The following GALNTL6 variants were observed in gnomAD, a reference collection of about 807,000 sequenced individuals.
The protein encoded by GALNTL6 is polypeptide N-acetylgalactosaminyltransferase-like 6.
A neutral mutation model predicts 73.7 loss-of-function variants in GALNTL6; 46 were observed. The ratio of observed to expected loss-of-function variants is 0.62; its 90% confidence interval spans 0.49 to 0.80. The LOEUF (loss-of-function observed/expected upper bound fraction) is 0.80, where lower values mean the gene tolerates loss of function less well. Among genes scored for constraint, GALNTL6 ranks in the 30% least tolerant of loss-of-function variants. The pLI, the probability that GALNTL6 is intolerant of heterozygous loss-of-function variation, is 0.00. For missense variants in GALNTL6, 604 were observed against 755.0 expected (o/e 0.80, Z 2.34); for synonymous variants, 259 against 263.7 (o/e 0.98, Z 0.17).
intron 2 of GALNTL6, among the ~76,000 whole-genome samples, chr4:172,042,411 C>A (rs1742109508): frequency 6.6e-6 from 1 of 152,004 alleles, no homozygotes; most frequent in Non-Finnish European, 1.5e-5. Flanking sequence ...GTATTTCCAG[C>A]CTAGACTTCT....
At chr4:172,628,956 C>T (rs1190369785) in intron 5 of GALNTL6, among the ~76,000 whole-genome samples, 1 of 152,028 alleles carries the variant, frequency 6.6e-6, no homozygotes, top group Non-Finnish European at 1.5e-5. Flanking sequence ...CTGGAGTGCA[C>T]ACGATAATTT....
intron 3 of GALNTL6, among the ~76,000 whole-genome samples, chr4:172,283,178 A>G (rs1385679771): frequency 1.3e-5 from 2 of 152,216 alleles, no homozygotes; most frequent in African/African-American, 4.8e-5. Context: ...CTGTAAACAC[A>G]TGAGTGAGAC....
chr4:173,028,785 T>C (rs1227483943), intron 12 of GALNTL6, among the ~76,000 whole-genome samples: 2 of 152,180 alleles, frequency 1.3e-5, no homozygotes, highest in Non-Finnish European at 2.9e-5. Context: ...AAATAAAAGA[T>C]TTAAAATTAC....
intron 2 of GALNTL6, among the ~76,000 whole-genome samples, chr4:171,976,841 C>T (rs749833697): frequency 6.6e-6 from 1 of 152,142 alleles, no homozygotes; most frequent in East Asian, 1.9e-4. Context: ...TTCTCAGGAA[C>T]AAAAATCTCT....
rs1731461334 is a variant in GALNTL6 at position 172,069,522 on chromosome 4, G to GTATGACGCATATATGTTATA, written c.139-160131_139-160130insGACGCATATATGTTATATAT. ...TATGTATAACACATATATGTTATAT[G>GTATGACGCATATATGTTATA]TATAACACATATATTATATATAACA... On this transcript the variant is annotated intron_variant, in intron 2 of 12. Transcript: ENST00000506823. Among the ~76,000 whole-genome samples the GTATGACGCATATATGTTATA allele has an allele frequency of 1.2e-4, 7 of 56,032 alleles. 2 individuals carry two copies. The highest frequency in any genetic ancestry group is 1.9e-4 in the African/African-American group (2 of 10,578). 36.8% of individuals were successfully genotyped at this position (56,032 alleles called of 152,430 possible).
intron 7 of GALNTL6, among the ~76,000 whole-genome samples, chr4:172,856,982 T>C (rs1169692816): frequency 6.6e-6 from 1 of 152,234 alleles, no homozygotes; most frequent in African/African-American, 2.4e-5. Flanking sequence ...CCAAATTACT[T>C]TGGGCCACAC....
At chr4:171,940,292 G>T (rs896343947) in intron 2 of GALNTL6, among the ~76,000 whole-genome samples, 2 of 151,878 alleles carry the variant, frequency 1.3e-5, no homozygotes, top group African/African-American at 2.4e-5. Flanking sequence ...TCAAAGAGTG[G>T]GTGGAAATGG....
At chr4:171,926,570 C>T (rs1737990988) in intron 2 of GALNTL6, among the ~76,000 whole-genome samples, 1 of 152,096 alleles carries the variant, frequency 6.6e-6, no homozygotes, top group Non-Finnish European at 1.5e-5. Flanking sequence ...CCCTGGCTTC[C>T]ATGAATATAA....
chr4:172,585,239 CT>C (rs773847450), intron 5 of GALNTL6, among the ~76,000 whole-genome samples: 2 of 149,582 alleles, frequency 1.3e-5, no homozygotes, highest in Non-Finnish European at 3.0e-5. Flanking sequence ...TCCTACTAGA[CT>C]TTTTTTTTTA....
At chr4:172,616,490 A>G (rs1169873087) in intron 5 of GALNTL6, among the ~76,000 whole-genome samples, 2 of 150,202 alleles carry the variant, frequency 1.3e-5, no homozygotes, top group Non-Finnish European at 2.9e-5. Flanking sequence ...AATTATATTC[A>G]ACTCCACTCC....
rs982561086 is a variant in GALNTL6 at position 172,377,911 on chromosome 4, C to G, written c.553+29222C>G. On this transcript the variant is annotated intron_variant, in intron 5 of 12. Transcript: ENST00000506823. Reference sequence around the variant, plus strand: ...GCACGCAGCACCAGATCCCCCCCCCCATGCCTCTTCCTCCACACCTCCCCA... The same window carrying G: ...GCACGCAGCACCAGATCCCCCCCCCGATGCCTCTTCCTCCACACCTCCCCA... 1.4e-3 allele frequency among the ~76,000 whole-genome samples: 205 copies of G among 151,790 alleles called. 2 individuals are homozygous for G. Among genetic ancestry groups the G allele is most frequent in the Admixed American group, 0.013 (203 of 15,272 alleles).
At chr4:172,086,320 A>C (rs1033717458) in intron 2 of GALNTL6, among the ~76,000 whole-genome samples, 11 of 152,218 alleles carry the variant, frequency 7.2e-5, no homozygotes, top group African/African-American at 2.6e-4. Context: ...TCGTGTCTGA[A>C]GCATTAGTTT....
intron 4 of GALNTL6, among the ~76,000 whole-genome samples, chr4:172,328,628 T>C (rs1165304270): frequency 6.6e-6 from 1 of 152,224 alleles, no homozygotes; most frequent in Non-Finnish European, 1.5e-5. Flanking sequence ...CTGTATTATT[T>C]CAGGGATCCA....
At chr4:172,217,726 C>T (rs1353497710) in intron 2 of GALNTL6, among the ~76,000 whole-genome samples, 1 of 152,066 alleles carries the variant, frequency 6.6e-6, no homozygotes, top group African/African-American at 2.4e-5. Flanking sequence ...AATTCACTGC[C>T]CACTCATTGC....
intron 5 of GALNTL6, among the ~76,000 whole-genome samples, chr4:172,786,894 G>A (rs1454130351): frequency 1.3e-5 from 2 of 152,210 alleles, no homozygotes; most frequent in Non-Finnish European, 2.9e-5. Flanking sequence ...GCCATGTCAA[G>A]TTTCGGTAAT....
chr4:172,936,389 T>G (rs922927109), intron 9 of GALNTL6, among the ~76,000 whole-genome samples: 9 of 152,112 alleles, frequency 5.9e-5, no homozygotes, highest in Admixed American at 5.9e-4. Flanking sequence ...ATACCCTCTC[T>G]CACCACTCCA....
intron 3 of GALNTL6, among the ~76,000 whole-genome samples, chr4:172,308,009 T>TA (rs1346132446): frequency 8.4e-5 from 10 of 118,924 alleles, no homozygotes; most frequent in South Asian, 2.9e-4. Context: ...TTAACTTTTT[T>TA]TTTTTTTTTT....
chr4:172,981,837 T>A (rs1440403186), intron 10 of GALNTL6, among the ~76,000 whole-genome samples: 1 of 150,116 alleles, frequency 6.7e-6, no homozygotes, highest in Non-Finnish European at 1.5e-5. Context: ...AGTTTCGCTC[T>A]TGTTGCCCAG....
Position 171,982,456 on chromosome 4 carries a change from C to A in GALNTL6, c.138+167738C>A, listed in dbSNP as rs988344834. Among the ~76,000 whole-genome samples, 53 of 152,132 alleles carry A rather than the reference C, an allele frequency of 3.5e-4. 1 individual carries two copies. Among genetic ancestry groups the A allele is most frequent in the Non-Finnish European group, 6.8e-4 (46 of 68,010 alleles). ...GGGACTACAGGCGCCCGCCACCACGCCCGGCTGATTTTTTTGTATTTTCAT... is the reference window on the plus strand; with the variant it reads ...GGGACTACAGGCGCCCGCCACCACGACCGGCTGATTTTTTTGTATTTTCAT... On this transcript the variant is annotated intron_variant, in intron 2 of 12. Coordinates refer to ENST00000506823, the MANE Select transcript of GALNTL6 (RefSeq NM_001034845.3).
Sources: gnomAD v4.1 joint callset for allele counts (sites outside exome capture counted in the v4.1 genomes callset) on GRCh38, gnomAD v4.1.1 for gene constraint, MANE v1.5 for transcripts, NCBI Gene and HGNC (gene_info 2026-07-23, HGNC 2026-07-21) for gene names.